DNAH8: variants seen among roughly 807,000 people sequenced by gnomAD.
DNAH8 encodes axonemal beta dynein heavy chain 8.
In DNAH8, 382 loss-of-function variants were observed where a neutral mutation model predicts 562.1. The ratio of observed to expected loss-of-function variants is 0.68; its 90% CI spans 0.63 to 0.74. The LOEUF (loss-of-function observed/expected upper bound fraction) is 0.74. Ranked by LOEUF, DNAH8 falls within the 30% of genes least tolerant of loss-of-function variation. The pLI is 0.00. For missense variants in DNAH8, 5,203 were observed against 5,620.4 expected, an observed-to-expected ratio of 0.93 and a Z score of 2.37; for synonymous variants, 1,881 against 1,919.4, an observed-to-expected ratio of 0.98 and a Z score of 0.52.
chr6:38,944,829 A>C (rs1783723779), intron 79 of DNAH8, among the ~76,000 whole-genome samples: 1 of 152,234 alleles, frequency 6.6e-6, no homozygotes. Flanking sequence ...TGGATAAATG[A>C]TTTAAATATT....
intron 6 of DNAH8, 89 bp downstream of exon 6, chr6:38,737,345 A>T: frequency 1.3e-6 from 1 of 781,442 alleles, no homozygotes. Context: ...TTTCTATCTT[A>T]AAAGATGTTA....
At chr6:38,983,264 A>G (rs111257721) in intron 86 of DNAH8, among the ~76,000 whole-genome samples, 1 of 152,238 alleles carries the variant, frequency 6.6e-6, no homozygotes, top group African/African-American at 2.4e-5. Context: ...AGCTCATTCA[A>G]TATGACTCTC....
In DNAH8 at chr6:38,842,463, A is replaced by T; in HGVS notation, c.4562A>T (p.Asp1521Val). 1 of 1,613,250 alleles carries T rather than the reference A, an allele frequency of 6.2e-7. No homozygotes were observed. The highest frequency in any genetic ancestry group is 2.2e-5 in the East Asian group (1 of 44,804). The change falls in exon 34 of 93, where the codon GAT becomes GTT. Residue 1521 changes from aspartate (D) to valine (V), a missense_variant. By Grantham distance (152) the Asp-to-Val change is radical. Around this residue, in one of 6 missense-constraint regions of DNAH8, gnomAD observed 2,176 missense variants for 2,365.1 expected, o/e 0.92. Coordinates refer to ENST00000327475, the MANE Select transcript of DNAH8 (RefSeq NM_001206927.2). ...GYYEILWGDV[D>V]IEKINAELLE... ...TATGAAATACTTTGGGGAGATGTAG[A>T]TATTGAAAAAATTAATGCAGAACTG...
At chr6:38,746,055 C>T (rs574814571) in intron 8 of DNAH8, among the ~76,000 whole-genome samples, 3 of 152,266 alleles carry the variant, frequency 2.0e-5, no homozygotes, top group East Asian at 1.9e-4. Context: ...GTCTTGACTG[C>T]GGCCGTCATT....
chr6:38,813,107 G>T (rs898106417), intron 24 of DNAH8, among the ~76,000 whole-genome samples: 4 of 152,010 alleles, frequency 2.6e-5, no homozygotes, highest in Non-Finnish European at 5.9e-5. Context: ...GCTATATAAG[G>T]TACCAAATGA....
intron 1 of DNAH8, among the ~76,000 whole-genome samples, chr6:38,715,956 A>ATTTTTTT (rs1562521493): frequency 4.8e-4 from 13 of 27,018 alleles, no homozygotes; most frequent in East Asian, 7.6e-4. Flanking sequence ...ATATATATAT[A>ATTTTTTT]TATATTTTTT....
chr6:39,013,664 A>G (rs948312991), intron 91 of DNAH8, among the ~76,000 whole-genome samples: 9 of 152,176 alleles, frequency 5.9e-5, no homozygotes, highest in Non-Finnish European at 1.3e-4. Context: ...CCAGTGGGGC[A>G]ACATGGTAAA....
rs1779676308 is a variant in DNAH8 at position 38,896,203 on chromosome 6, A to T, written c.8918A>T (p.Glu2973Val). 6.2e-7 allele frequency: 1 copy of T among 1,613,632 alleles called. No individual in the cohort carries two copies. The highest frequency in any genetic ancestry group is 1.3e-5 in the African/African-American group (1 of 74,872). Residue 2973 changes from glutamate to valine, a missense_variant, in exon 60 of 93, where the codon GAA becomes GTA. Physicochemically the swap from Glu to Val is moderately radical, Grantham distance 121 (BLOSUM62 -2). Coordinates refer to ENST00000327475, the MANE Select transcript of DNAH8 (RefSeq NM_001206927.2). ...GATGAACCTGAAGACTCTGTGTTTG[A>T]AGTACCCAAAATATATGAATTGGTA... The part of the protein sequence containing the change: ...TGDEPEDSVF[E>V]VPKIYELMPS...
At chr6:38,960,728 A>G (rs1349281761) in intron 82 of DNAH8, among the ~76,000 whole-genome samples, 1 of 152,034 alleles carries the variant, frequency 6.6e-6, no homozygotes, top group Non-Finnish European at 1.5e-5. Flanking sequence ...AACTAAAAAT[A>G]GAACTGCTCT....
At chr6:38,892,153 A>G (rs1452343694) in intron 58 of DNAH8, among the ~76,000 whole-genome samples, 1 of 152,024 alleles carries the variant, frequency 6.6e-6, no homozygotes, top group Non-Finnish European at 1.5e-5. Context: ...CTAAACACTG[A>G]AATGCACCTG....
intron 3 of DNAH8, among the ~76,000 whole-genome samples, chr6:38,724,447 C>T (rs1315671929): frequency 6.6e-6 from 1 of 152,152 alleles, no homozygotes; most frequent in African/African-American, 2.4e-5. Context: ...ATATGAACTA[C>T]ATATGCAAAT....
At position 38,974,356 on chromosome 6, in the gene DNAH8, G is replaced by C. The variant is rs1763538133; in HGVS notation, c.12679-18G>C. 6.3e-7 allele frequency: 1 copy of C among 1,583,728 alleles called. No homozygotes were observed. Among genetic ancestry groups the C allele is most frequent in the Admixed American group, 1.9e-5 (1 of 53,420 alleles). ...AGTAATTTATAGAAACAAAAGCACT[G>C]TTTTCTTTTCATGACAGACCTCTCT... On this transcript the variant is annotated intron_variant, in intron 84 of 92. Coordinates refer to ENST00000327475, the MANE Select transcript of DNAH8 (RefSeq NM_001206927.2).
At chr6:38,921,293 G>A (rs1005263890) in intron 70 of DNAH8, 76 bp from the exon 71 acceptor site, 3 of 1,526,202 alleles carry the variant, frequency 2.0e-6, no homozygotes, top group Non-Finnish European at 2.7e-6. Context: ...GAAATTATGT[G>A]ATTTGTGTTA....
intron 88 of DNAH8, among the ~76,000 whole-genome samples, chr6:38,997,476 T>C (rs1318417726): frequency 6.6e-6 from 1 of 151,658 alleles, no homozygotes; most frequent in Non-Finnish European, 1.5e-5. Context: ...AGTGGAGGAG[T>C]TGGGAACAGG....
rs554460231 is a variant in DNAH8 at position 38,766,865 on chromosome 6, A to G, written c.1618-3548A>G. ...TATACCTCAATAAAACTGGAAAAAAATAAAACTGGAAATACTGAACAAAAA... is the reference window on the plus strand; with the variant it reads ...TATACCTCAATAAAACTGGAAAAAAGTAAAACTGGAAATACTGAACAAAAA... On this transcript the variant is annotated intron_variant, in intron 11 of 92. Transcript: ENST00000327475. Among the ~76,000 whole-genome samples, 219 of 152,342 alleles carry G rather than the reference A, an allele frequency of 1.4e-3. 2 individuals carry two copies. Among genetic ancestry groups the G allele is most frequent in the African/African-American group, 5.1e-3 (213 of 41,578 alleles).
chr6:38,937,873 A>C (rs1397668452), intron 77 of DNAH8, 101 bp from the exon 78 acceptor site: 1 of 1,395,586 alleles, frequency 7.2e-7, no homozygotes, highest in African/African-American at 1.4e-5. Flanking sequence ...TGGAGACATC[A>C]AGTTGAAAGC....
intron 81 of DNAH8, among the ~76,000 whole-genome samples, chr6:38,950,551 TGCCTCA>T (rs1476186411): frequency 2.0e-5 from 3 of 151,804 alleles, no homozygotes; most frequent in African/African-American, 7.3e-5. Context: ...TCCAGTCTCC[TGCCTCA>T]GCCTCCTGAG....
intron 4 of DNAH8, 70 bp downstream of exon 4, chr6:38,730,056 C>A: frequency 1.4e-6 from 1 of 717,226 alleles, no homozygotes; most frequent in South Asian, 1.7e-5. Context: ...TATTTTTTCT[C>A]TTATACATAG....
intron 26 of DNAH8, among the ~76,000 whole-genome samples, 159 bp from the exon 27 acceptor site, chr6:38,822,679 G>A (rs1192619584): frequency 6.6e-6 from 1 of 152,132 alleles, no homozygotes; most frequent in Non-Finnish European, 1.5e-5. Context: ...CATGAAGATA[G>A]CAAGAGAATA....
Sources: allele counts gnomAD v4.1 joint callset (sites outside exome capture counted in the v4.1 genomes callset), GRCh38; gene constraint gnomAD v4.1.1; regional missense constraint gnomAD v4.1.1; transcripts MANE v1.5; gene names NCBI Gene and HGNC (gene_info 2026-07-23, HGNC 2026-07-21).